Variants in CDH19 observed in about 807,000 individuals in gnomAD.
CDH19 encodes cadherin 19, also known as cadherin-19.
Under a neutral mutation model 64.2 loss-of-function variants are expected in CDH19, and 67 were observed. That is an observed-to-expected ratio of 1.04 (90% CI 0.86 to 1.28). The LOEUF (loss-of-function observed/expected upper bound fraction) is 1.28, where lower values mean the gene tolerates loss of function less well. Among genes scored for constraint, CDH19 ranks in the 50% most tolerant of loss-of-function variants. The probability of loss-of-function intolerance (pLI) is 0.00; values close to 1 mark genes in which losing one functional copy is unlikely to be tolerated. For missense variants in CDH19, 1,030 were observed against 929.0 expected, an observed-to-expected ratio of 1.11 and a Z score of -1.41; for synonymous variants, 346 against 319.3, an observed-to-expected ratio of 1.08 and a Z score of -0.89.
intron 11 of CDH19, among the ~76,000 whole-genome samples, 159 bp downstream of exon 11, chr18:66,508,836 G>A (rs1360760241): frequency 6.6e-6 from 1 of 151,822 alleles, no homozygotes; most frequent in Non-Finnish European, 1.5e-5. Context: ...ATTCAGAGGA[G>A]CAATAAACGT....
chr18:66,518,164 T>C (rs1985820373), intron 9 of CDH19, among the ~76,000 whole-genome samples: 1 of 152,144 alleles, frequency 6.6e-6, no homozygotes, highest in South Asian at 2.1e-4. Context: ...ATTATACGTA[T>C]TATGTGTGCC....
chr18:66,551,156 C>A lies in CDH19; in HGVS notation c.713G>T (p.Gly238Val). The A allele has an allele frequency of 6.2e-7, 1 of 1,608,244 alleles. No individual in the cohort carries two copies. The highest frequency in any genetic ancestry group is 8.5e-7 in the Non-Finnish European group (1 of 1,175,130). The change falls in exon 5 of 12, where the codon GGA (glycine) becomes GTA (valine). Residue 238 changes from glycine (G) to valine (V), a missense_variant. Physicochemically the swap from Gly to Val is moderately radical, Grantham distance 109. Coordinates refer to ENST00000262150, the MANE Select transcript of CDH19 (RefSeq NM_021153.4). ...AAGTTTAATTAATACACTTGTTGTT[C>A]CAGACAACGCTCCTGGCTGACCAAT... ...DMIGQPGALS[G>V]TTSVLIKLSD...
At chr18:66,586,216 G>A (rs117314929) in intron 1 of CDH19, among the ~76,000 whole-genome samples, 21 of 152,124 alleles carry the variant, frequency 1.4e-4, no homozygotes, top group South Asian at 2.1e-4. Context: ...TTGAGTAGGC[G>A]TGGCCAAAAT....
In CDH19 at chr18:66,544,805, C is replaced by A. The variant is rs1196141695; in HGVS notation, c.874G>T (p.Asp292Tyr). ...GAATCATCCTCTTCAATGCTGTAAT[C>A]CATTTCTGCATTCTCTCCTATGTCA... ...DNDIGENAEM[D>Y]YSIEEDDSQT... The change falls in exon 6 of 12, where the codon GAT becomes TAT. Residue 292 changes from aspartate (D) to tyrosine (Y), a missense_variant. Asp to Tyr is a radical substitution (Grantham distance 160). Coordinates refer to ENST00000262150, the MANE Select transcript of CDH19 (RefSeq NM_021153.4). 8.7e-6 allele frequency: 14 copies of A among 1,609,932 alleles called. No homozygotes were observed. Among genetic ancestry groups the A allele is most frequent in the Non-Finnish European group, 1.2e-5 (14 of 1,176,312 alleles).
At chr18:66,602,068 G>A (rs181985852) in intron 1 of CDH19, among the ~76,000 whole-genome samples, 1 of 151,840 alleles carries the variant, frequency 6.6e-6, no homozygotes, top group Non-Finnish European at 1.5e-5. Flanking sequence ...AAAGGAAATC[G>A]TCGTGACAAC....
intron 9 of CDH19, among the ~76,000 whole-genome samples, chr18:66,525,324 T>A (rs935337029): frequency 3.9e-5 from 6 of 152,254 alleles, no homozygotes; most frequent in Admixed American, 3.3e-4. Flanking sequence ...TTCAGTTACA[T>A]GAGCTATGCC....
intron 5 of CDH19, among the ~76,000 whole-genome samples, chr18:66,549,507 A>G (rs1159102456): frequency 6.6e-6 from 1 of 152,156 alleles, no homozygotes; most frequent in Admixed American, 6.5e-5. Flanking sequence ...GACAGAAGAC[A>G]ACATATGTAT....
rs1358293787 is a variant in CDH19 at position 66,592,236 on chromosome 18, T to TTTGTACATATTCAAATATGAACAAATAA, written c.-113+11690_-113+11717dup. Among the ~76,000 whole-genome samples the TTTGTACATATTCAAATATGAACAAATAA allele has an allele frequency of 4.7e-4, 71 of 151,988 alleles. 1 individual carries two copies. The highest frequency in any genetic ancestry group is 1.6e-3 in the African/African-American group (65 of 41,528). On this transcript the variant is annotated intron_variant, in intron 1 of 11. Coordinates refer to ENST00000262150, the MANE Select transcript of CDH19 (RefSeq NM_021153.4). Reference sequence around the variant, plus strand: ...TTCATAATAATTTTAAAATCTTTATTTTGTACATATTCAAATATGAACAAA... The same window carrying TTTGTACATATTCAAATATGAACAAATAA: ...TTCATAATAATTTTAAAATCTTTATTTTGTACATATTCAAATATGAACAAATAATTGTACATATTCAAATATGAACAAA...
At chr18:66,561,432 T>C (rs1278755687) in intron 3 of CDH19, among the ~76,000 whole-genome samples, 1 of 152,090 alleles carries the variant, frequency 6.6e-6, no homozygotes, top group Non-Finnish European at 1.5e-5. Context: ...GAGTTGTGTA[T>C]ATTGAATTGC....
At chr18:66,556,198 T>G (rs1281031701) in intron 3 of CDH19, among the ~76,000 whole-genome samples, 1 of 151,706 alleles carries the variant, frequency 6.6e-6, no homozygotes, top group Admixed American at 6.6e-5. Context: ...GTTATGCATA[T>G]AGATAGTAAC....
intron 1 of CDH19, among the ~76,000 whole-genome samples, chr18:66,592,812 T>C (rs1247245704): frequency 6.6e-6 from 1 of 151,882 alleles, no homozygotes; most frequent in Non-Finnish European, 1.5e-5. Context: ...TTTTCTTCCA[T>C]ATATTGGCTA....
chr18:66,596,014 T>A (rs1988878181), intron 1 of CDH19: 1 of 152,040 alleles, frequency 6.6e-6, no homozygotes, highest in Admixed American at 6.6e-5. Flanking sequence ...TTAACATATG[T>A]AAATAAATAA....
intron 7 of CDH19, among the ~76,000 whole-genome samples, chr18:66,536,359 T>G (rs1441248716): frequency 6.6e-6 from 1 of 151,834 alleles, no homozygotes; most frequent in Non-Finnish European, 1.5e-5. Flanking sequence ...AGTTCAGTTT[T>G]AACTGTACTC....
At chr18:66,512,296 A>G (rs1328904489) in intron 9 of CDH19, among the ~76,000 whole-genome samples, 2 of 151,620 alleles carry the variant, frequency 1.3e-5, no homozygotes, top group African/African-American at 4.8e-5. Flanking sequence ...TACTGCAGAC[A>G]TGAACAAATC....
intron 8 of CDH19, 66 bp downstream of exon 8, chr18:66,534,920 A>G: frequency 8.9e-7 from 1 of 1,123,228 alleles, no homozygotes; most frequent in Non-Finnish European, 1.2e-6. Context: ...GTCCCCATGT[A>G]TAGAAATTTG....
At chr18:66,511,753 T>C (rs1043428586) in intron 9 of CDH19, 68 bp from the exon 10 acceptor site, 1 of 749,638 alleles carries the variant, frequency 1.3e-6, no homozygotes, top group Non-Finnish European at 2.4e-6. Flanking sequence ...GCTGCTATTA[T>C]TATTAGCTTT....
chr18:66,593,937 G>T (rs1399171892), intron 1 of CDH19, among the ~76,000 whole-genome samples: 2 of 152,026 alleles, frequency 1.3e-5, no homozygotes, highest in African/African-American at 4.8e-5. Flanking sequence ...GAGTTAATGA[G>T]GATTTTTTAG....
At position 66,521,531 on chromosome 18, in the gene CDH19, G is replaced by A. The variant is rs201425436; in HGVS notation, c.1458+8314C>T. 3.7e-3 allele frequency among the ~76,000 whole-genome samples: 533 copies of A among 145,118 alleles called. 1 individual carries two copies. The highest frequency in any genetic ancestry group is 8.6e-3 in the African/African-American group (324 of 37,600). The stretch of plus-strand genomic sequence containing the variant: ...ATTTATTTATTTATTTATTTTGTTT[G>A]TTTGTTTGTTTGTTTATTTGTTTTT... On this transcript the variant is annotated intron_variant, in intron 9 of 11. Transcript: ENST00000262150.
chr18:66,548,088 T>A (rs960288261), intron 5 of CDH19, among the ~76,000 whole-genome samples: 7 of 146,928 alleles, frequency 4.8e-5, no homozygotes, highest in Admixed American at 1.4e-4. Context: ...TATATAAATA[T>A]ATTATATATT....
Sources: gnomAD v4.1 joint callset for allele counts (sites outside exome capture counted in the v4.1 genomes callset) on GRCh38, gnomAD v4.1.1 for gene constraint, MANE v1.5 for transcripts, NCBI Gene and HGNC (gene_info 2026-07-23, HGNC 2026-07-21) for gene names.